JAML: variants seen among roughly 807,000 people sequenced by gnomAD.
JAML encodes junctional adhesion molecule-like.
A neutral mutation model predicts 39.3 loss-of-function variants in JAML; 25 were observed. That is an observed-to-expected ratio of 0.64 (90% CI 0.46 to 0.89). The LOEUF (loss-of-function observed/expected upper bound fraction) is 0.89, where lower values mean the gene tolerates loss of function less well. Ranked by LOEUF, JAML falls within the 40% of genes least tolerant of loss-of-function variation. The pLI, the probability that JAML is intolerant of heterozygous loss-of-function variation, is 0.00. For missense variants in JAML, 440 were observed against 486.9 expected (o/e 0.90, Z 0.91); for synonymous variants, 162 against 179.2 (o/e 0.90, Z 0.77).
At position 118,205,796 on chromosome 11, in the gene JAML, C is replaced by T; in HGVS notation, c.534+86G>A. On this transcript the variant is annotated intron_variant, in intron 5 of 9. Coordinates refer to ENST00000356289, the MANE Select transcript of JAML (RefSeq NM_001098526.2). ...AGCACCAAAGCCCAGGCTCTTGCAA[C>T]ACCTCCTCATGTGCCTGATTCTACC... The T allele has an allele frequency of 3.1e-6, 4 of 1,271,864 alleles. 1 individual carries two copies. The Middle Eastern group carries it at 7.4e-4, about 236-fold the overall frequency. 78.8% of individuals were successfully genotyped at this position (1,271,864 alleles called of 1,614,324 possible). A position where few individuals can be genotyped will look rare whatever the true frequency, so the allele number is the denominator to read the frequency against.
Position 118,222,692 on chromosome 11 carries a change from G to GATT in JAML, c.-21+2248_-21+2249insAAT, listed in dbSNP as rs1219167069. Among the ~76,000 whole-genome samples the GATT allele has an allele frequency of 6.6e-6, 1 of 152,204 alleles. No individual in the cohort carries two copies. The highest frequency in any genetic ancestry group is 6.5e-5 in the Admixed American group (1 of 15,284). ...AAAAAATAAAGACAGTGTAAGTAAA[G>GATT]AATGTGTTTTGGTGGGAGGTTATAA... On this transcript the variant is annotated intron_variant, in intron 1 of 9. Transcript: ENST00000356289. This position sits in a 1 kb window ranked among gnomAD's most constrained non-coding sequence, Gnocchi z 4.2.
chr11:118,214,742 A>C lies in JAML; in HGVS notation c.43+82T>G. ...TCTTCAACAAACCCAAGGGAATCGA[A>C]AATATGTAAAATTGGCTTTTAATAA... On this transcript the variant is annotated intron_variant, in intron 2 of 9. Transcript: ENST00000356289. 2.8e-6 allele frequency: 4 copies of C among 1,431,766 alleles called. No individual in the cohort carries two copies. The South Asian group carries it at 4.7e-5, about 17-fold the overall frequency. 88.7% of individuals were successfully genotyped at this position (1,431,766 alleles called of 1,614,324 possible). A position where few individuals can be genotyped will look rare whatever the true frequency, so the allele number is the denominator to read the frequency against.
rs1948859444 is a variant in JAML at position 118,203,616 on chromosome 11, T to A, written c.584A>T (p.Tyr195Phe). Residue 195 changes from tyrosine to phenylalanine, a missense_variant, in exon 6 of 10, where the codon TAC becomes TTC. Physicochemically the swap from Tyr to Phe is conservative, Grantham distance 22. Transcript: ENST00000356289. ...CTGGAAGTGGCCCCAGCTCTGGGAG[T>A]ACTCCACAGACATCCTGAGTTTGTG... ...YYHKLRMSVE[Y>F]SQSWGHFQNR... 3 of 1,613,858 alleles carry A rather than the reference T, an allele frequency of 1.9e-6. No individual in the cohort carries two copies. The highest frequency in any genetic ancestry group is 2.5e-6 in the Non-Finnish European group (3 of 1,179,988).
chr11:118,195,146 T>C (rs1193033641), intron 9 of JAML, among the ~76,000 whole-genome samples: 1 of 152,170 alleles, frequency 6.6e-6, no homozygotes, highest in Non-Finnish European at 1.5e-5. Flanking sequence ...CACTCAGCAG[T>C]AGCCACAAGG....
chr11:118,207,362 A>C (rs146249141), intron 4 of JAML, among the ~76,000 whole-genome samples: 84 of 152,342 alleles, frequency 5.5e-4, no homozygotes, highest in Middle Eastern at 6.8e-3. Flanking sequence ...AAAGTAAAGG[A>C]ACCCAATGCC....
intron 4 of JAML, among the ~76,000 whole-genome samples, chr11:118,207,387 G>T (rs940311680): frequency 6.6e-6 from 1 of 152,118 alleles, no homozygotes; most frequent in Non-Finnish European, 1.5e-5. Flanking sequence ...GGCCAGGAAA[G>T]GTAAAGCCAA....
chr11:118,210,435 G>T (rs1949025139), intron 4 of JAML, 52 bp downstream of exon 4: 1 of 1,574,740 alleles, frequency 6.4e-7, no homozygotes, highest in Non-Finnish European at 8.7e-7. Context: ...CTTGCCTCTT[G>T]CACATGAAAG....
chr11:118,204,799 T>A (rs1162789949), intron 5 of JAML: 1 of 152,210 alleles, frequency 6.6e-6, no homozygotes, highest in African/African-American at 2.4e-5. Context: ...GACTGGGGCT[T>A]TAAGTATTCT....
At chr11:118,204,474 T>C (rs1396712827) in intron 5 of JAML, 1 of 152,424 alleles carries the variant, frequency 6.6e-6, no homozygotes, top group Non-Finnish European at 1.5e-5. Context: ...TTCTACTTGC[T>C]CTTCCCTCAC....
At chr11:118,203,174 T>C (rs929648765) in intron 6 of JAML, 2 of 631,312 alleles carry the variant, frequency 3.2e-6, no homozygotes, top group South Asian at 1.5e-5. Context: ...TGGCAGAGGA[T>C]TGGTATTCAC....
intron 1 of JAML, among the ~76,000 whole-genome samples, chr11:118,215,968 A>G (rs1949135120): frequency 6.6e-6 from 1 of 152,086 alleles, no homozygotes; most frequent in South Asian, 2.1e-4. Flanking sequence ...GGGAGATTCC[A>G]CCTCAGAATC....
intron 1 of JAML, among the ~76,000 whole-genome samples, chr11:118,219,291 G>A (rs976401990): frequency 6.6e-6 from 1 of 152,224 alleles, no homozygotes; most frequent in Non-Finnish European, 1.5e-5. Flanking sequence ...TGGTGAGGAT[G>A]CAGAGAAAAG....
In JAML at chr11:118,203,435, C is replaced by T. The variant is rs141877176; in HGVS notation, c.765G>A (p.Glu255=). 2.0e-5 allele frequency: 33 copies of T among 1,614,018 alleles called. No individual in the cohort carries two copies. The African/African-American group carries it at 4.0e-4, about 20-fold the overall frequency. Residue 255 remains glutamate, a synonymous_variant, in exon 6 of 10, where the codon GAG becomes GAA. Coordinates refer to ENST00000356289, the MANE Select transcript of JAML (RefSeq NM_001098526.2). Reference sequence around the variant, plus strand: ...CAGCCAAATGTTAGATACTTCGAGGCTCTTCCGGGCTGACATGCAGCACAA... The same window carrying T: ...CAGCCAAATGTTAGATACTTCGAGGTTCTTCCGGGCTGACATGCAGCACAA... ...KTIVLHVSPE[E]PRTLVTPAAL...
chr11:118,215,791 C>A (rs1388459085), intron 1 of JAML, among the ~76,000 whole-genome samples: 1 of 152,014 alleles, frequency 6.6e-6, no homozygotes, highest in Non-Finnish European at 1.5e-5. Context: ...ATTGCATTTA[C>A]CAGCCCCTGG....
In JAML at chr11:118,220,346, G is replaced by A. The variant is rs1220775930; in HGVS notation, c.-21+4595C>T. 2.0e-5 allele frequency among the ~76,000 whole-genome samples: 3 copies of A among 152,198 alleles called. No homozygotes were observed. The East Asian group carries it at 5.8e-4, about 29-fold the overall frequency. ...CACCCAAGTCCATCAGTGGATGAGA[G>A]TGGAACGCTTTTCCTCAGCGAGAAG... On this transcript the variant is annotated intron_variant, in intron 1 of 9. Coordinates refer to ENST00000356289, the MANE Select transcript of JAML (RefSeq NM_001098526.2).
chr11:118,210,481 G>A lies in JAML; in HGVS notation c.424+6C>T. 1 of 1,613,392 alleles carries A rather than the reference G, an allele frequency of 6.2e-7. No homozygotes were observed. Among genetic ancestry groups the A allele is most frequent in the Non-Finnish European group, 8.5e-7 (1 of 1,179,864 alleles). ...TTGGCCCCTCTTTAAGTAAGCATTT[G>A]CGTACCTTTGGGCTCCTCTGGAAGC... On this transcript the variant is annotated splice_donor_region_variant and intron_variant, in intron 4 of 9. Coordinates refer to ENST00000356289, the MANE Select transcript of JAML (RefSeq NM_001098526.2).
chr11:118,209,698 A>T lies in JAML; in HGVS notation c.424+789T>A, dbSNP rs372592433. 1.9e-3 allele frequency among the ~76,000 whole-genome samples: 284 copies of T among 149,810 alleles called. 1 individual carries two copies. Among genetic ancestry groups the T allele is most frequent in the Admixed American group, 0.014 (210 of 15,098 alleles). On this transcript the variant is annotated intron_variant, in intron 4 of 9. Transcript: ENST00000356289. ...GCCATCATGCCCAGCTATTATTATT[A>T]TTTTTTTTTTATTTTTTATTTTTTT...
At chr11:118,214,253 T>A (rs1382399528) in intron 2 of JAML, among the ~76,000 whole-genome samples, 1 of 152,002 alleles carries the variant, frequency 6.6e-6, no homozygotes, top group African/African-American at 2.4e-5. Context: ...ACCAATCTGG[T>A]CTGAGGAGAT....
intron 5 of JAML, chr11:118,204,940 C>G (rs1948887053): frequency 6.6e-6 from 1 of 152,042 alleles, no homozygotes; most frequent in Non-Finnish European, 1.5e-5. Context: ...ATGAAGTGAC[C>G]TGGCCCCTAA....
Sources: allele counts gnomAD v4.1 joint callset (sites outside exome capture counted in the v4.1 genomes callset), GRCh38; gene constraint gnomAD v4.1.1; non-coding constraint Gnocchi (gnomAD v3.1); transcripts MANE v1.5; gene names NCBI Gene and HGNC (gene_info 2026-07-23, HGNC 2026-07-21).